Variants in CFTR observed in about 807,000 individuals in gnomAD.
CFTR encodes CF transmembrane conductance regulator, also known as cystic fibrosis transmembrane conductance regulator.
Under a neutral mutation model 171.6 loss-of-function variants are expected in CFTR, and 181 were observed. The observed-to-expected ratio is 1.05, with a 90% CI of 0.93 to 1.19. CFTR has a LOEUF of 1.19. CFTR is among the 50% of genes most tolerant of loss of function. CFTR has a pLI of 0.00. For synonymous variants in CFTR, 583 were observed against 608.0 expected (o/e 0.96, Z 0.60); for missense variants, 1,968 against 1,734.7 (o/e 1.13, Z -2.39).
chr7:117,611,718 C>A lies in CFTR; in HGVS notation c.3277C>A (p.Leu1093Met). 6.2e-7 allele frequency: 1 copy of A among 1,613,502 alleles called. No homozygotes were observed. Reference sequence around the variant, plus strand: ...ACATACTGCCAACTGGTTCTTGTACCTGTCAACACTGCGCTGGTTCCAAAT... The same window carrying A: ...ACATACTGCCAACTGGTTCTTGTACATGTCAACACTGCGCTGGTTCCAAAT... ...NLHTANWFLY[L>M]STLRWFQMRI... The change falls in exon 20 of 27, where the codon CTG becomes ATG. Residue 1093 changes from leucine (L) to methionine (M), a missense_variant. Transcript: ENST00000003084.
intron 3 of CFTR, among the ~76,000 whole-genome samples, chr7:117,517,869 G>T (rs1798619042): frequency 6.6e-6 from 1 of 152,138 alleles, no homozygotes. Flanking sequence ...AGAAGTGTCT[G>T]TTCATATCCT....
At chr7:117,611,048 T>G (rs1275242292) in intron 19 of CFTR, among the ~76,000 whole-genome samples, 3 of 152,216 alleles carry the variant, frequency 2.0e-5, no homozygotes, top group Admixed American at 1.3e-4. Context: ...TTTGGCTTGT[T>G]GTCTTCAGAC....
At chr7:117,509,215 G>A (rs544682979) in intron 3 of CFTR, 73 bp downstream of exon 3, 22 of 909,156 alleles carry the variant, frequency 2.4e-5, no homozygotes, top group South Asian at 1.1e-4. Flanking sequence ...AAAAGACTAC[G>A]AAATCTGGTG....
intron 24 of CFTR, among the ~76,000 whole-genome samples, chr7:117,662,093 A>T (rs761485190): frequency 4.6e-5 from 7 of 151,988 alleles, no homozygotes; most frequent in Non-Finnish European, 7.4e-5. Context: ...TTTTGTGAGA[A>T]ATTTATAGCA....
chr7:117,643,056 G>T (rs1792945616), intron 23 of CFTR, among the ~76,000 whole-genome samples: 1 of 152,110 alleles, frequency 6.6e-6, no homozygotes, highest in Non-Finnish European at 1.5e-5. Context: ...TGTCAGATTA[G>T]TCTGTAACTA....
chr7:117,592,725 A>G, intron 14 of CFTR, 68 bp downstream of exon 14: 1 of 1,323,556 alleles, frequency 7.6e-7, no homozygotes, highest in Non-Finnish European at 9.9e-7. Context: ...AATATGTAGC[A>G]TGTAACAAAA....
chr7:117,520,121 A>G (rs1798662890), intron 3 of CFTR, among the ~76,000 whole-genome samples: 2 of 151,730 alleles, frequency 1.3e-5, no homozygotes, highest in African/African-American at 4.8e-5. Context: ...TATATTAATT[A>G]TGCATTTATA....
chr7:117,520,521 C>T (rs1377129774), intron 3 of CFTR, among the ~76,000 whole-genome samples: 3 of 151,680 alleles, frequency 2.0e-5, no homozygotes, highest in African/African-American at 7.2e-5. Flanking sequence ...TCCAGTTTGT[C>T]CATCATTTAT....
At chr7:117,522,606 C>T (rs1798701321) in intron 3 of CFTR, among the ~76,000 whole-genome samples, 1 of 152,158 alleles carries the variant, frequency 6.6e-6, no homozygotes, top group Admixed American at 6.6e-5. Context: ...AATAATTATA[C>T]ATTCCTCCTT....
At chr7:117,594,815 A>T (rs1039945475) in intron 14 of CFTR, 115 bp from the exon 15 acceptor site, 6 of 934,916 alleles carry the variant, frequency 6.4e-6, no homozygotes, top group African/African-American at 3.3e-5. Context: ...ATTTGTTAAA[A>T]TACACTTAGA....
intron 21 of CFTR, among the ~76,000 whole-genome samples, chr7:117,626,163 A>C (rs1164992106): frequency 6.6e-6 from 1 of 152,108 alleles, no homozygotes; most frequent in Non-Finnish European, 1.5e-5. Context: ...AGAACTTCAC[A>C]AACAGTGCAG....
intron 15 of CFTR, among the ~76,000 whole-genome samples, chr7:117,595,605 C>T (rs1161834035): frequency 2.0e-5 from 3 of 151,496 alleles, no homozygotes; most frequent in Non-Finnish European, 2.9e-5. Context: ...AATTAAAGGC[C>T]AGGCATGGTG....
chr7:117,635,823 A>G (rs1401102662), intron 22 of CFTR, among the ~76,000 whole-genome samples: 2 of 152,126 alleles, frequency 1.3e-5, no homozygotes, highest in African/African-American at 4.8e-5. Flanking sequence ...AAGTATATAC[A>G]TTATCATATT....
intron 3 of CFTR, among the ~76,000 whole-genome samples, chr7:117,519,310 A>T (rs1016433347): frequency 6.6e-6 from 1 of 152,060 alleles, no homozygotes; most frequent in Non-Finnish European, 1.5e-5. Context: ...GGAAAAATTC[A>T]TTTCCTTAGC....
At chr7:117,582,054 C>A (rs1584807809) in intron 11 of CFTR, among the ~76,000 whole-genome samples, 1 of 152,154 alleles carries the variant, frequency 6.6e-6, no homozygotes, top group East Asian at 1.9e-4. Flanking sequence ...CCATGTCCAG[C>A]CAAGTTTTAT....
chr7:117,618,623 A>T (rs1165425918), intron 21 of CFTR, among the ~76,000 whole-genome samples: 4 of 152,196 alleles, frequency 2.6e-5, no homozygotes, highest in Non-Finnish European at 5.9e-5. Context: ...TGTTCATAAA[A>T]CATAATTATA....
At chr7:117,665,433 T>G in intron 25 of CFTR, 26 bp from the exon 26 acceptor site, 1 of 1,234,678 alleles carries the variant, frequency 8.1e-7, no homozygotes, top group Non-Finnish European at 1.2e-6. Context: ...TGTGATATTA[T>G]GTGTGGTATT....
In CFTR at chr7:117,540,087, T is replaced by C. The variant is rs368890501; in HGVS notation, c.870-13T>C. The C allele has an allele frequency of 3.1e-6, 5 of 1,606,756 alleles. No homozygotes were observed. The African/African-American group carries it at 5.3e-5, about 17-fold the overall frequency. The stretch of plus-strand genomic sequence containing the variant: ...AATAACATCCTGAATTTTATTGTTA[T>C]TGTTTTTTATAGAACAGAACTGAAA... On this transcript the variant is annotated splice_polypyrimidine_tract_variant and intron_variant, in intron 7 of 26. Transcript: ENST00000003084.
intron 11 of CFTR, among the ~76,000 whole-genome samples, chr7:117,577,941 A>G (rs1167239464): frequency 1.3e-5 from 2 of 152,170 alleles, no homozygotes; most frequent in African/African-American, 4.8e-5. Flanking sequence ...TATGCAGGAT[A>G]CCAAGTCTAT....
Sources: allele counts gnomAD v4.1 joint callset (sites outside exome capture counted in the v4.1 genomes callset), GRCh38; gene constraint gnomAD v4.1.1; transcripts MANE v1.5; gene names NCBI Gene and HGNC (gene_info 2026-07-23, HGNC 2026-07-21).